Variants in COL11A1 observed in about 807,000 individuals in gnomAD.
The protein encoded by COL11A1 is collagen type XI alpha 1 chain.
A neutral mutation model predicts 265.2 loss-of-function variants in COL11A1; 74 were observed. The ratio of observed to expected loss-of-function variants is 0.28; its 90% CI spans 0.23 to 0.34. The LOEUF (loss-of-function observed/expected upper bound fraction) is 0.34. Ranked by LOEUF, COL11A1 falls within the 10% of genes least tolerant of loss-of-function variation. COL11A1 has a pLI of 1.00. For missense variants in COL11A1, 2,165 were observed against 2,263.6 expected (o/e 0.96, Z 0.88); for synonymous variants, 816 against 727.6 (o/e 1.12, Z -1.96).
chr1:102,979,227 A>G, intron 32 of COL11A1, 123 bp from the exon 33 acceptor site: 3 of 1,262,992 alleles, frequency 2.4e-6, no homozygotes, highest in Non-Finnish European at 3.4e-6. Context: ...TCATTTAGAG[A>G]CAGACTTGCT....
intron 41 of COL11A1, among the ~76,000 whole-genome samples, chr1:102,948,662 A>G (rs565899350): frequency 6.6e-6 from 1 of 152,172 alleles, no homozygotes; most frequent in African/African-American, 2.4e-5. Flanking sequence ...AAGTATTCCA[A>G]ATACTAAAGA....
chr1:102,914,381 G>C lies in COL11A1; in HGVS notation c.3949C>G (p.Pro1317Ala). The stretch of plus-strand genomic sequence containing the variant: ...GGGCCAGGTTCCCCAGGAGGACCAG[G>C]ATCTCCAGGAAAACCAACAGGACCC... ...NPGPVGFPGD[P>A]GPPGEPGPAG... The change falls in exon 52 of 67, where the codon CCT becomes GCT. Residue 1317 changes from proline (P) to alanine (A), a missense_variant. Coordinates refer to ENST00000370096, the MANE Select transcript of COL11A1 (RefSeq NM_001854.4). The C allele has an allele frequency of 6.2e-7, 1 of 1,608,730 alleles. No homozygotes were observed. Among genetic ancestry groups the C allele is most frequent in the Non-Finnish European group, 8.5e-7 (1 of 1,176,828 alleles).
intron 4 of COL11A1, among the ~76,000 whole-genome samples, chr1:103,041,582 C>G (rs1668811908): frequency 6.6e-6 from 1 of 151,826 alleles, no homozygotes; most frequent in African/African-American, 2.4e-5. Context: ...TACATTCATT[C>G]TTTAGAGAAT....
At chr1:102,927,760 A>T (rs558709015) in intron 46 of COL11A1, among the ~76,000 whole-genome samples, 8 of 152,318 alleles carry the variant, frequency 5.3e-5, no homozygotes, top group African/African-American at 1.7e-4. Context: ...CTACAATTTA[A>T]TATTTATTTT....
At chr1:102,996,377 C>CTA (rs754106526) in intron 26 of COL11A1, among the ~76,000 whole-genome samples, 17 of 151,874 alleles carry the variant, frequency 1.1e-4, no homozygotes, top group Non-Finnish European at 2.4e-4. Context: ...ATATGCTATA[C>CTA]TAATGTCTAT....
At chr1:102,979,491 A>T in intron 31 of COL11A1, 56 bp from the exon 32 acceptor site, 1 of 1,162,490 alleles carries the variant, frequency 8.6e-7, no homozygotes, top group East Asian at 2.4e-5. Flanking sequence ...TTTCAGTCAC[A>T]AGATGTAATT....
rs184603547 is a variant in COL11A1 at position 102,948,601 on chromosome 1, T to C, written c.3169-1645A>G. Among the ~76,000 whole-genome samples the C allele has an allele frequency of 6.3e-4, 96 of 152,066 alleles. 1 individual carries two copies. In the East Asian group the frequency reaches 0.015, roughly 23 times the overall value. On this transcript the variant is annotated intron_variant, in intron 41 of 66. Transcript: ENST00000370096. ...ATTCAAAAACTAATCTAGGGAATAT[T>C]CTTATATTGCATAATAAATGAGTTG...
chr1:103,062,986 A>G (rs1157345993), intron 4 of COL11A1, among the ~76,000 whole-genome samples: 1 of 152,042 alleles, frequency 6.6e-6, no homozygotes, highest in Non-Finnish European at 1.5e-5. Context: ...CACTCAAAAA[A>G]GAAATACATA....
Position 102,923,692 on chromosome 1 carries a change from C to A in COL11A1, c.3601-303G>T, listed in dbSNP as rs7539682. On this transcript the variant is annotated intron_variant, in intron 46 of 66. Coordinates refer to ENST00000370096, the MANE Select transcript of COL11A1 (RefSeq NM_001854.4). ...GAACACCCAACCATTTGCTCAGTCC[C>A]GTACAAATAATATATAGAACTTCCC... Among the ~76,000 whole-genome samples the A allele has an allele frequency of 0.02, 3,106 of 151,870 alleles. 108 individuals are homozygous for A. Among genetic ancestry groups the A allele is most frequent in the African/African-American group, 0.071 (2,936 of 41,422 alleles).
intron 37 of COL11A1, 72 bp from the exon 38 acceptor site, chr1:102,965,612 C>T: frequency 8.2e-7 from 1 of 1,222,812 alleles, no homozygotes; most frequent in Non-Finnish European, 1.2e-6. Flanking sequence ...TATGAGATAG[C>T]TGAATAAGTC....
At chr1:102,897,938 C>T (rs576794944) in intron 57 of COL11A1, among the ~76,000 whole-genome samples, 187 bp downstream of exon 57, 1 of 152,254 alleles carries the variant, frequency 6.6e-6, no homozygotes, top group African/African-American at 2.4e-5. Flanking sequence ...ATCTTCTGAT[C>T]AAGTGGTTTA....
chr1:103,046,607 T>A lies in COL11A1; in HGVS notation c.652-15363A>T, dbSNP rs1039113087. ...TTTGCTGTGCAGAAGCTCTTTAGTT[T>A]AATTAGATCCCATTTGTCAATTTTG... On this transcript the variant is annotated intron_variant, in intron 4 of 66. Coordinates refer to ENST00000370096, the MANE Select transcript of COL11A1 (RefSeq NM_001854.4). 2.1e-4 allele frequency among the ~76,000 whole-genome samples: 32 copies of A among 151,358 alleles called. 1 individual carries two copies. Among genetic ancestry groups the A allele is most frequent in the African/African-American group, 7.3e-4 (30 of 41,180 alleles).
chr1:102,962,206 G>T lies in COL11A1; in HGVS notation c.3084C>A (p.Phe1028Leu). Reference sequence around the variant, plus strand: ...CTCCAGGAAGACCTCTTTCCCCTGGGAAACCACGTAATCCTGCTGGTCCAT... The same window carrying T: ...CTCCAGGAAGACCTCTTTCCCCTGGTAAACCACGTAATCCTGCTGGTCCAT... ...GKDGPAGLRG[F>L]PGERGLPGAQ... is the part of the protein sequence containing the mutation. Residue 1028 changes from phenylalanine (F) to leucine (L), a missense_variant, in exon 40 of 67, where the codon TTC becomes TTA. By Grantham distance (22) the Phe-to-Leu change is conservative. Transcript: ENST00000370096. 6.2e-7 allele frequency: 1 copy of T among 1,613,658 alleles called. No individual in the cohort carries two copies. The highest frequency in any genetic ancestry group is 8.5e-7 in the Non-Finnish European group (1 of 1,179,732).
chr1:103,085,257 TC>T (rs1359017473), intron 1 of COL11A1, among the ~76,000 whole-genome samples: 1 of 152,226 alleles, frequency 6.6e-6, no homozygotes, highest in Non-Finnish European at 1.5e-5. Flanking sequence ...ATTTGTTCAT[TC>T]ATTTCCAACC....
chr1:103,017,765 T>C, intron 11 of COL11A1, 55 bp downstream of exon 11: 2 of 1,420,820 alleles, frequency 1.4e-6, no homozygotes, highest in Non-Finnish European at 2.0e-6. Flanking sequence ...ACATTTTAAT[T>C]ATTTAAGTCT....
At chr1:102,920,819 A>G (rs181640610) in intron 48 of COL11A1, among the ~76,000 whole-genome samples, 1 of 152,184 alleles carries the variant, frequency 6.6e-6, no homozygotes, top group South Asian at 2.1e-4. Context: ...CTCTCTTTCT[A>G]GTCTATTTTT....
At chr1:103,052,425 T>G (rs1298092189) in intron 4 of COL11A1, among the ~76,000 whole-genome samples, 1 of 152,198 alleles carries the variant, frequency 6.6e-6, no homozygotes, top group Non-Finnish European at 1.5e-5. Context: ...TTCTCAGAAC[T>G]GCTGGGCTTA....
intron 4 of COL11A1, among the ~76,000 whole-genome samples, chr1:103,062,442 A>G (rs185428964): frequency 1.7e-4 from 26 of 152,110 alleles, no homozygotes; most frequent in African/African-American, 4.8e-4. Context: ...AAATATTATC[A>G]AATTGAATCC....
intron 4 of COL11A1, among the ~76,000 whole-genome samples, chr1:103,044,838 A>G (rs1333710417): frequency 1.3e-5 from 2 of 152,144 alleles, no homozygotes; most frequent in African/African-American, 4.8e-5. Context: ...CAAAATAAGA[A>G]TAATGTAGTA....
Sources: allele counts gnomAD v4.1 joint callset (sites outside exome capture counted in the v4.1 genomes callset), GRCh38; gene constraint gnomAD v4.1.1; transcripts MANE v1.5; gene names NCBI Gene and HGNC (gene_info 2026-07-23, HGNC 2026-07-21).